The following DISP1 variants were observed in gnomAD, a reference collection of about 807,000 sequenced individuals.
DISP1 encodes dispatched RND transporter family member 1.
A neutral mutation model predicts 37.3 loss-of-function variants in DISP1; 30 were observed. The ratio of observed to expected loss-of-function variants is 0.80; its 90% CI spans 0.60 to 1.09. DISP1 has a LOEUF of 1.09. Among genes scored for constraint, DISP1 ranks in the 50% least tolerant of loss-of-function variants. DISP1 has a pLI of 0.00. For synonymous variants in DISP1, 634 were observed against 690.2 expected, an observed-to-expected ratio of 0.92 and a Z score of 1.28; for missense variants, 1,598 against 1,879.5, an observed-to-expected ratio of 0.85 and a Z score of 2.77.
chr1:222,931,810 A>T (rs1416691083), intron 2 of DISP1, among the ~76,000 whole-genome samples: 1 of 151,732 alleles, frequency 6.6e-6, no homozygotes, highest in Non-Finnish European at 1.5e-5. Context: ...TGTTAAATAA[A>T]CTCATTAGTC....
intron 3 of DISP1, among the ~76,000 whole-genome samples, chr1:222,976,392 A>G (rs145661962): frequency 0.012 from 1,857 of 152,206 alleles, 39 homozygotes; most frequent in African/African-American, 0.043. Context: ...AAGAGATTGC[A>G]AAAGCAGAAT....
chr1:222,891,909 G>A (rs896528313), intron 1 of DISP1, among the ~76,000 whole-genome samples: 4 of 152,036 alleles, frequency 2.6e-5, no homozygotes, highest in African/African-American at 4.8e-5. Context: ...AGGTGATACA[G>A]GGAAGCACAT....
In DISP1 at chr1:222,943,236, C is replaced by A. The variant is rs375843368; in HGVS notation, c.413C>A (p.Thr138Lys). ...AATCATTCACCTGTGTATCAGACTA[C>A]GTGCTGTCTTCAGCCCTCTCCATCC... Reference protein sequence around the residue: ...CPNHSPVYQTTCCLQPSPSFC... With the variant: ...CPNHSPVYQTKCCLQPSPSFC... The change falls in exon 3 of 9, where the codon ACG becomes AAG. Residue 138 changes from threonine (T) to lysine (K), a missense_variant. By Grantham distance (78) the Thr-to-Lys change is moderately conservative (BLOSUM62 -1). Transcript: ENST00000675850. 34 of 1,612,846 alleles carry A rather than the reference C, an allele frequency of 2.1e-5. No homozygotes were observed. In the African/African-American group the frequency reaches 4.3e-4, roughly 20 times the overall value.
At chr1:222,846,373 C>T (rs1459804933) in intron 1 of DISP1, among the ~76,000 whole-genome samples, 3 of 152,194 alleles carry the variant, frequency 2.0e-5, no homozygotes, top group African/African-American at 7.2e-5. Flanking sequence ...TGCCTGTAAT[C>T]CCAGGTACTC....
chr1:222,857,879 C>A (rs572525158), intron 1 of DISP1, among the ~76,000 whole-genome samples: 1 of 152,242 alleles, frequency 6.6e-6, no homozygotes, highest in East Asian at 1.9e-4. Context: ...AGATTCAATG[C>A]TATTCCCATT....
intron 1 of DISP1, among the ~76,000 whole-genome samples, chr1:222,844,725 C>T (rs924594224): frequency 1.3e-5 from 2 of 151,998 alleles, no homozygotes; most frequent in African/African-American, 2.4e-5. Flanking sequence ...ACAAAAAATG[C>T]GTTATGCAGC....
At chr1:222,922,787 T>C (rs769637951) in intron 1 of DISP1, among the ~76,000 whole-genome samples, 1 of 152,096 alleles carries the variant, frequency 6.6e-6, no homozygotes, top group Non-Finnish European at 1.5e-5. Context: ...GAAAAGACCC[T>C]TGGATATTGC....
intron 1 of DISP1, among the ~76,000 whole-genome samples, chr1:222,875,075 G>A (rs1042878573): frequency 2.6e-5 from 4 of 152,112 alleles, no homozygotes; most frequent in African/African-American, 4.8e-5. Context: ...TGGGGAAGGA[G>A]GTAAGTAGAG....
intron 1 of DISP1, among the ~76,000 whole-genome samples, chr1:222,872,946 T>C (rs1163468612): frequency 6.6e-6 from 1 of 152,224 alleles, no homozygotes; most frequent in Non-Finnish European, 1.5e-5. Flanking sequence ...CTGCTTTGAA[T>C]GAGTCCCAGA....
chr1:223,003,426 A>G lies in DISP1; in HGVS notation c.2029A>G (p.Ile677Val), dbSNP rs539197788. The G allele has an allele frequency of 1.2e-6, 2 of 1,614,190 alleles. No individual in the cohort carries two copies. The highest frequency in any genetic ancestry group is 3.3e-5 in the Admixed American group (2 of 60,036). Residue 677 changes from isoleucine (I) to valine (V), a missense_variant, in exon 9 of 9, where the codon ATA (isoleucine) becomes GTA (valine). Ile to Val is a conservative substitution (Grantham distance 29, BLOSUM62 3). Coordinates refer to ENST00000675850, the MANE Select transcript of DISP1 (RefSeq NM_001377229.1). The surrounding 1 kb of genome is among the most constrained non-coding windows in gnomAD (Gnocchi z 4.3). ...FTCFKKPQQQ[I>V]YDNKSCWTVA... is the part of the protein sequence containing the mutation. ...TTGCTTCAAAAAGCCCCAGCAGCAA[A>G]TATATGATAACAAAAGCTGCTGGAC... is the stretch of plus-strand genomic sequence containing the variant.
rs1019287297 is a variant in DISP1 at position 222,949,666 on chromosome 1, G to A, written c.509+6334G>A. Among the ~76,000 whole-genome samples, 9 of 151,946 alleles carry A rather than the reference G, an allele frequency of 5.9e-5. No homozygotes were observed. In the East Asian group the frequency reaches 9.7e-4, roughly 16 times the overall value. On this transcript the variant is annotated intron_variant, in intron 3 of 8. Transcript: ENST00000675850. ...TTTTGAGACAGAGTCTTGCTCCATC[G>A]CCCAGGCTGGAGTGCAGTGGCACGA...
At chr1:222,935,170 A>G (rs1673643971) in intron 2 of DISP1, among the ~76,000 whole-genome samples, 1 of 152,040 alleles carries the variant, frequency 6.6e-6, no homozygotes, top group Admixed American at 6.6e-5. Flanking sequence ...CTTTATTCTA[A>G]CTGCATCTCT....
chr1:222,850,129 A>T (rs988437426), intron 1 of DISP1, among the ~76,000 whole-genome samples: 1 of 152,218 alleles, frequency 6.6e-6, no homozygotes, highest in African/African-American at 2.4e-5. Context: ...AGTGAGTGAC[A>T]TAAAAAAAAT....
chr1:222,971,002 A>G (rs1400398608), intron 3 of DISP1, among the ~76,000 whole-genome samples: 2 of 151,834 alleles, frequency 1.3e-5, no homozygotes, highest in African/African-American at 2.4e-5. Flanking sequence ...AAGTCTCATT[A>G]TTTCCTCAGT....
chr1:222,983,052 A>G (rs1364466590), intron 3 of DISP1, 28 bp from the exon 4 acceptor site: 19 of 1,560,070 alleles, frequency 1.2e-5, no homozygotes, highest in Non-Finnish European at 1.6e-5. Context: ...GTTTTTGATC[A>G]TTTTTCCTTT....
chr1:222,860,900 AG>A (rs1369001111), intron 1 of DISP1, among the ~76,000 whole-genome samples: 1 of 152,160 alleles, frequency 6.6e-6, no homozygotes, highest in African/African-American at 2.4e-5. Context: ...AACAAAAAAA[AG>A]AAAGTGATTG....
chr1:222,942,707 C>A (rs1674471440), intron 2 of DISP1, 100 bp from the exon 3 acceptor site: 4 of 1,376,878 alleles, frequency 2.9e-6, no homozygotes, highest in Middle Eastern at 2.0e-4. Flanking sequence ...TCTGCAAGAA[C>A]CCTCATTTTC....
chr1:223,002,575 C>T lies in DISP1; in HGVS notation c.1178C>T (p.Thr393Ile), dbSNP rs140829703. The T allele has an allele frequency of 1.2e-6, 2 of 1,614,162 alleles. No homozygotes were observed. Among genetic ancestry groups the T allele is most frequent in the Non-Finnish European group, 1.7e-6 (2 of 1,180,020 alleles). The change falls in exon 9 of 9, where the codon ACT becomes ATT. Residue 393 changes from threonine (T) to isoleucine (I), a missense_variant. Transcript: ENST00000675850. ...TGTGCCAAACACTACCAAAATGGCA[C>T]TCTGGGGCCAGACTGCTGGGACATG... ...RTCAKHYQNGTLGPDCWDMAA... is the reference protein window; with the variant it reads ...RTCAKHYQNGILGPDCWDMAA...
chr1:222,888,481 A>T (rs1670763260), intron 1 of DISP1, among the ~76,000 whole-genome samples: 1 of 152,132 alleles, frequency 6.6e-6, no homozygotes, highest in South Asian at 2.1e-4. Context: ...AAGGGTAAAA[A>T]GTTTTACTTT....
Sources: allele counts gnomAD v4.1 joint callset (sites outside exome capture counted in the v4.1 genomes callset), GRCh38; gene constraint gnomAD v4.1.1; non-coding constraint Gnocchi (gnomAD v3.1); transcripts MANE v1.5; gene names NCBI Gene and HGNC (gene_info 2026-07-23, HGNC 2026-07-21).